EEA1: variants seen among roughly 807,000 people sequenced by gnomAD.
EEA1 encodes early endosome antigen 1, 162kD.
In EEA1, 111 loss-of-function variants were observed where a neutral mutation model predicts 209.2. The observed-to-expected ratio is 0.53, with a 90% CI of 0.45 to 0.62. The LOEUF (loss-of-function observed/expected upper bound fraction) is 0.62. Among genes scored for constraint, EEA1 ranks in the 20% least tolerant of loss-of-function variants. EEA1 has a pLI of 0.00. For missense variants in EEA1, 1,343 were observed against 1,530.8 expected, an observed-to-expected ratio of 0.88 and a Z score of 2.05; for synonymous variants, 536 against 540.6, an observed-to-expected ratio of 0.99 and a Z score of 0.12.
intron 22 of EEA1, among the ~76,000 whole-genome samples, chr12:92,782,605 C>T (rs1475803083): frequency 6.6e-6 from 1 of 152,188 alleles, no homozygotes; most frequent in Non-Finnish European, 1.5e-5. Flanking sequence ...TATGATGTCC[C>T]TTGACATGCT....
intron 21 of EEA1, among the ~76,000 whole-genome samples, chr12:92,791,431 C>A (rs1412139399): frequency 1.3e-5 from 2 of 152,106 alleles, no homozygotes; most frequent in Non-Finnish European, 2.9e-5. Context: ...GGAGGAAGAT[C>A]TACCAAGCAA....
At chr12:92,928,098 C>T (rs1281957004) in intron 1 of EEA1, among the ~76,000 whole-genome samples, 2 of 151,548 alleles carry the variant, frequency 1.3e-5, no homozygotes, top group Non-Finnish European at 2.9e-5. Context: ...TCGGCACCTA[C>T]TTTTCAATCA....
At position 92,864,174 on chromosome 12, in the gene EEA1, T is replaced by C. The variant is rs558963070; in HGVS notation, c.245+686A>G. ...AACCACAAAGTTTATATGGTTATCA[T>C]ATTTTCCTTTATGTAGTATTCTTTG... is the stretch of plus-strand genomic sequence containing the variant. On this transcript the variant is annotated intron_variant, in intron 3 of 28. Transcript: ENST00000322349. 3.7e-4 allele frequency among the ~76,000 whole-genome samples: 57 copies of C among 152,312 alleles called. No individual in the cohort carries two copies. In the Middle Eastern group the frequency reaches 0.01, roughly 27 times the overall value.
intron 2 of EEA1, chr12:92,884,108 T>C: frequency 8.2e-7 from 1 of 1,212,424 alleles, no homozygotes; most frequent in Non-Finnish European, 1.2e-6. Flanking sequence ...GTTGGTGGCA[T>C]TAAACAATGA....
At chr12:92,916,903 G>T (rs1183676517) in intron 1 of EEA1, among the ~76,000 whole-genome samples, 1 of 149,250 alleles carries the variant, frequency 6.7e-6, no homozygotes, top group Non-Finnish European at 1.5e-5. Context: ...GCTTAAAGGA[G>T]CTGATGGAGC....
At chr12:92,844,178 G>A (rs1047727002) in intron 9 of EEA1, among the ~76,000 whole-genome samples, 1 of 152,018 alleles carries the variant, frequency 6.6e-6, no homozygotes, top group African/African-American at 2.4e-5. Context: ...TAAGCGATTG[G>A]ACTGAATGAT....
At chr12:92,835,721 C>T (rs906952431) in intron 10 of EEA1, among the ~76,000 whole-genome samples, 3 of 151,870 alleles carry the variant, frequency 2.0e-5, no homozygotes, top group African/African-American at 4.8e-5. Flanking sequence ...GATAGTTTCA[C>T]TCTTTAAAAG....
Position 92,891,065 on chromosome 12 carries a change from T to C in EEA1, c.117+564A>G, listed in dbSNP as rs571784070. Among the ~76,000 whole-genome samples, 5 of 152,250 alleles carry C rather than the reference T, an allele frequency of 3.3e-5. No individual in the cohort carries two copies. The South Asian group carries it at 1.0e-3, about 32-fold the overall frequency. On this transcript the variant is annotated intron_variant, in intron 2 of 28. Coordinates refer to ENST00000322349, the MANE Select transcript of EEA1 (RefSeq NM_003566.4). Reference sequence around the variant, plus strand: ...TTCTTCACATTCCTTATCTCCTTTTTCTATAATCATCCAATATTACTTATT... The same window carrying C: ...TTCTTCACATTCCTTATCTCCTTTTCCTATAATCATCCAATATTACTTATT...
intron 21 of EEA1, among the ~76,000 whole-genome samples, chr12:92,789,525 G>A (rs1874299837): frequency 6.6e-6 from 1 of 151,906 alleles, no homozygotes; most frequent in East Asian, 1.9e-4. Context: ...CCTGAGAGTA[G>A]CCACGAGCAT....
chr12:92,814,902 G>GA (rs1415090156), intron 15 of EEA1, among the ~76,000 whole-genome samples: 8 of 152,146 alleles, frequency 5.3e-5, no homozygotes, highest in African/African-American at 1.9e-4. Flanking sequence ...GGACACTCCA[G>GA]AAAAAAACAT....
chr12:92,782,085 T>A lies in EEA1; in HGVS notation c.3201A>T (p.Arg1067Ser). The A allele has an allele frequency of 6.2e-7, 1 of 1,612,876 alleles. No homozygotes were observed. The highest frequency in any genetic ancestry group is 8.5e-7 in the Non-Finnish European group (1 of 1,179,268). Residue 1067 changes from arginine to serine, a missense_variant, in exon 23 of 29, where the codon AGA becomes AGT. Arg to Ser is a moderately radical substitution (Grantham distance 110, BLOSUM62 -1). Coordinates refer to ENST00000322349, the MANE Select transcript of EEA1 (RefSeq NM_003566.4). ...SLAQEDLISN[R>S]NQIGNQNKLI... ...ATTTATTTTGATTTCCAATTTGATT[T>A]CTGTTTGAAATCAAGTCCTCCTGTG...
chr12:92,811,338 A>T lies in EEA1; in HGVS notation c.2140T>A (p.Tyr714Asn). The change falls in exon 17 of 29, where the codon TAT (tyrosine) becomes AAT (asparagine). Residue 714 changes from tyrosine to asparagine, a missense_variant. By Grantham distance (143) the Tyr-to-Asn change is moderately radical. Around this residue, in one of 3 missense-constraint regions of EEA1, gnomAD observed 1,307 missense variants for 1,465.5 expected, o/e 0.89. Transcript: ENST00000322349. ...CSQLESHLKE[Y>N]KEKYLSLEQK... ...TCTAAAGAGAGGTATTTCTCTTTAT[A>T]TTCTTTAAGATGACTTTCCAGCTGA... 1.2e-6 allele frequency: 2 copies of T among 1,606,562 alleles called. No homozygotes were observed. The highest frequency in any genetic ancestry group is 1.7e-6 in the Non-Finnish European group (2 of 1,176,808).
intron 9 of EEA1, among the ~76,000 whole-genome samples, chr12:92,845,840 T>C (rs1013842918): frequency 2.0e-5 from 3 of 152,136 alleles, no homozygotes; most frequent in Non-Finnish European, 4.4e-5. Context: ...TCCCTGACAC[T>C]TGGAAGACCC....
chr12:92,828,507 G>A (rs979299051), intron 11 of EEA1, among the ~76,000 whole-genome samples: 1 of 151,736 alleles, frequency 6.6e-6, no homozygotes, highest in South Asian at 2.1e-4. Flanking sequence ...TTACATTTGG[G>A]TATTGGATAG....
chr12:92,803,610 T>G (rs1206381688), intron 18 of EEA1, among the ~76,000 whole-genome samples: 4 of 152,104 alleles, frequency 2.6e-5, no homozygotes, highest in Non-Finnish European at 4.4e-5. Context: ...AAAGATGTAC[T>G]AATAAAGTAT....
chr12:92,784,824 T>G (rs1257277839), intron 22 of EEA1, among the ~76,000 whole-genome samples: 1 of 152,108 alleles, frequency 6.6e-6, no homozygotes. Flanking sequence ...CGGAGAACCC[T>G]CTCTCCCATT....
chr12:92,894,978 T>C (rs539495333), intron 1 of EEA1, among the ~76,000 whole-genome samples: 2 of 152,320 alleles, frequency 1.3e-5, no homozygotes, highest in East Asian at 1.9e-4. Flanking sequence ...TAGGGGTTAA[T>C]GCAGCTGATG....
rs147652693 is a variant in EEA1 at position 92,823,755 on chromosome 12, T to C, written c.1524+2411A>G. Among the ~76,000 whole-genome samples the C allele has an allele frequency of 2.3e-3, 349 of 152,332 alleles. 3 individuals carry two copies. Among genetic ancestry groups the C allele is most frequent in the African/African-American group, 7.7e-3 (322 of 41,576 alleles). ...GTGCAGAATAAGAAACAAATAACCA[T>C]GTTCAACTGAGTCCCTGCTGTTCCC... On this transcript the variant is annotated intron_variant, in intron 13 of 28. Coordinates refer to ENST00000322349, the MANE Select transcript of EEA1 (RefSeq NM_003566.4).
chr12:92,855,313 C>T (rs1435805386), intron 5 of EEA1, among the ~76,000 whole-genome samples: 1 of 152,200 alleles, frequency 6.6e-6, no homozygotes, highest in African/African-American at 2.4e-5. Context: ...GCCTGTAGTC[C>T]CAGCTACTAG....
Sources: gnomAD v4.1 joint callset for allele counts (sites outside exome capture counted in the v4.1 genomes callset) on GRCh38, gnomAD v4.1.1 for gene constraint, gnomAD v4.1.1 regional missense constraint, MANE v1.5 for transcripts, NCBI Gene and HGNC (gene_info 2026-07-23, HGNC 2026-07-21) for gene names.